APP: variants seen among roughly 807,000 people sequenced by gnomAD.
APP encodes the protein amyloid beta precursor protein, also known as amyloid-beta precursor protein.
Under a neutral mutation model 101.4 loss-of-function variants are expected in APP, and 31 were observed. The observed-to-expected ratio is 0.31, with a 90% CI of 0.23 to 0.41. The LOEUF (loss-of-function observed/expected upper bound fraction) is 0.41. APP is among the 10% of genes least tolerant of loss of function. The probability of loss-of-function intolerance (pLI) is 1.00; values close to 1 mark genes in which losing one functional copy is unlikely to be tolerated. For synonymous variants in APP, 366 were observed against 364.4 expected, an observed-to-expected ratio of 1.00 and a Z score of -0.05; for missense variants, 839 against 1,003.7, an observed-to-expected ratio of 0.84 and a Z score of 2.22.
intron 6 of APP, among the ~76,000 whole-genome samples, chr21:26,016,603 G>C (rs913582710): frequency 6.6e-6 from 1 of 151,758 alleles, no homozygotes; most frequent in African/African-American, 2.4e-5. Flanking sequence ...ACGAAGTTTC[G>C]CTCTGTTGCC....
chr21:26,048,930 G>A (rs993057552), intron 5 of APP, among the ~76,000 whole-genome samples: 2 of 152,164 alleles, frequency 1.3e-5, no homozygotes, highest in African/African-American at 4.8e-5. Flanking sequence ...GGGAATGAAA[G>A]CCTAGAGAAA....
chr21:26,168,048 T>TG (rs2063655913), intron 1 of APP, among the ~76,000 whole-genome samples: 5 of 152,152 alleles, frequency 3.3e-5, no homozygotes, highest in Non-Finnish European at 5.9e-5. Flanking sequence ...TGTGACTAGG[T>TG]TAAACCCTCA....
intron 16 of APP, among the ~76,000 whole-genome samples, chr21:25,892,106 T>C (rs2037738227): frequency 6.6e-6 from 1 of 151,202 alleles, no homozygotes. Flanking sequence ...AATCATAGTT[T>C]ATAGAAGGAT....
chr21:26,036,439 T>C (rs550850921), intron 5 of APP, among the ~76,000 whole-genome samples: 3 of 152,272 alleles, frequency 2.0e-5, no homozygotes, highest in Admixed American at 1.3e-4. Flanking sequence ...AGGTGATTTA[T>C]AGATAAAAGT....
At chr21:26,130,741 G>A (rs968441680) in intron 1 of APP, among the ~76,000 whole-genome samples, 3 of 152,176 alleles carry the variant, frequency 2.0e-5, no homozygotes, top group African/African-American at 7.2e-5. Flanking sequence ...GCACCAATAT[G>A]TGAGCTTCAA....
intron 15 of APP, among the ~76,000 whole-genome samples, chr21:25,901,404 A>AG (rs1013373480): frequency 2.0e-5 from 3 of 151,964 alleles, no homozygotes; most frequent in African/African-American, 4.8e-5. Flanking sequence ...GGTCCAAAAA[A>AG]AAAAATTCAT....
chr21:26,127,948 T>C (rs770239333), intron 1 of APP, among the ~76,000 whole-genome samples: 1 of 152,208 alleles, frequency 6.6e-6, no homozygotes, highest in Non-Finnish European at 1.5e-5. Context: ...ACACAGCATT[T>C]GAAATCTCCT....
rs182184343 is a variant in APP at position 25,984,697 on chromosome 21, C to A, written c.1091-2220G>T. Among the ~76,000 whole-genome samples, 327 of 152,266 alleles carry A rather than the reference C, an allele frequency of 2.1e-3. 1 individual carries two copies. Among genetic ancestry groups the A allele is most frequent in the African/African-American group, 6.9e-3 (285 of 41,550 alleles). ...CATGGTATTTAGCATTTAAAATGTGCTTCCCTAGCTTTAGTCATCTTCTCA... is the reference window on the plus strand; with the variant it reads ...CATGGTATTTAGCATTTAAAATGTGATTCCCTAGCTTTAGTCATCTTCTCA... On this transcript the variant is annotated intron_variant, in intron 8 of 17. Transcript: ENST00000346798.
chr21:25,905,030 G>T lies in APP; in HGVS notation c.1957C>A (p.Arg653=), dbSNP rs370979414. Reference sequence around the variant, plus strand: ...AGTCAAGCGGTTCTGATACCTGGTCGAGTGGTCAGTCCTCGGTCGGCAGCA... The same window carrying T: ...AGTCAAGCGGTTCTGATACCTGGTCTAGTGGTCAGTCCTCGGTCGGCAGCA... ...RPAADRGLTT[R]PGSGLTNIKT... The change falls in exon 15 of 18, where the codon CGA becomes AGA. Residue 653 remains arginine (R), a synonymous_variant. Transcript: ENST00000346798. 1.1e-5 allele frequency: 18 copies of T among 1,613,688 alleles called. No homozygotes were observed. In the East Asian group the frequency reaches 1.6e-4, roughly 14 times the overall value.
chr21:26,002,520 C>G (rs934955689), intron 6 of APP, among the ~76,000 whole-genome samples: 1 of 152,234 alleles, frequency 6.6e-6, no homozygotes. Context: ...ATGTCACATG[C>G]TCTTTAACGT....
intron 6 of APP, among the ~76,000 whole-genome samples, chr21:26,001,187 C>A (rs2043278916): frequency 1.3e-5 from 2 of 152,234 alleles, no homozygotes; most frequent in African/African-American, 4.8e-5. Context: ...ACACATCTTA[C>A]CTGTCAACAT....
intron 17 of APP, among the ~76,000 whole-genome samples, chr21:25,883,549 C>T (rs918916330): frequency 2.0e-5 from 3 of 152,092 alleles, no homozygotes; most frequent in Non-Finnish European, 4.4e-5. Flanking sequence ...AAAATTTAGC[C>T]AGGCACAGTA....
intron 8 of APP, among the ~76,000 whole-genome samples, chr21:25,994,276 T>C (rs1351391810): frequency 6.6e-6 from 1 of 152,220 alleles, no homozygotes; most frequent in Non-Finnish European, 1.5e-5. Context: ...GGTGCAAAAC[T>C]AATGTCAGAA....
chr21:26,119,712 A>G (rs2062522282), intron 1 of APP, among the ~76,000 whole-genome samples: 1 of 152,220 alleles, frequency 6.6e-6, no homozygotes, highest in Non-Finnish European at 1.5e-5. Context: ...ACACATATAC[A>G]CACAGTTTAA....
At chr21:26,060,178 G>T (rs775304392) in intron 3 of APP, among the ~76,000 whole-genome samples, 1 of 151,996 alleles carries the variant, frequency 6.6e-6, no homozygotes, top group Non-Finnish European at 1.5e-5. Flanking sequence ...CACCTATTTC[G>T]CACCTACTGA....
At chr21:26,119,001 G>C (rs1013797050) in intron 1 of APP, among the ~76,000 whole-genome samples, 1 of 152,116 alleles carries the variant, frequency 6.6e-6, no homozygotes, top group African/African-American at 2.4e-5. Context: ...GATAGAAAAA[G>C]GGTTAGAGGC....
intron 3 of APP, among the ~76,000 whole-genome samples, chr21:26,087,850 T>C (rs1192876477): frequency 1.3e-5 from 2 of 152,222 alleles, no homozygotes; most frequent in South Asian, 2.1e-4. Flanking sequence ...TGGTGCATAA[T>C]GCAGTGTAGC....
At chr21:26,007,033 TAGAG>T (rs1424698089) in intron 6 of APP, among the ~76,000 whole-genome samples, 1 of 152,134 alleles carries the variant, frequency 6.6e-6, no homozygotes, top group Non-Finnish European at 1.5e-5. Context: ...ACTAGTCATT[TAGAG>T]AGAGCTAGGA....
chr21:25,965,730 C>T (rs2041771731), intron 11 of APP, among the ~76,000 whole-genome samples: 1 of 152,142 alleles, frequency 6.6e-6, no homozygotes, highest in African/African-American at 2.4e-5. Flanking sequence ...TTCTTTGCTA[C>T]CCATCTGTTC....
Sources: gnomAD v4.1 joint callset for allele counts (sites outside exome capture counted in the v4.1 genomes callset) on GRCh38, gnomAD v4.1.1 for gene constraint, MANE v1.5 for transcripts, NCBI Gene and HGNC (gene_info 2026-07-23, HGNC 2026-07-21) for gene names.